Variants in RASSF3 observed in about 807,000 individuals in gnomAD.
RASSF3 encodes ras association domain-containing protein 3.
A neutral mutation model predicts 19.9 loss-of-function variants in RASSF3; 19 were observed. The ratio of observed to expected loss-of-function variants is 0.96; its 90% CI spans 0.67 to 1.40. The LOEUF (loss-of-function observed/expected upper bound fraction) is 1.40, where lower values mean the gene tolerates loss of function less well. Among genes scored for constraint, RASSF3 ranks in the 40% most tolerant of loss-of-function variants. The pLI, the probability that RASSF3 is intolerant of heterozygous loss-of-function variation, is 0.00. For missense variants in RASSF3, 306 were observed against 289.8 expected (o/e 1.06, Z -0.41); for synonymous variants, 110 against 104.2 (o/e 1.06, Z -0.34).
At chr12:64,612,928 C>T (rs1375866373) in intron 1 of RASSF3, among the ~76,000 whole-genome samples, 3 of 152,038 alleles carry the variant, frequency 2.0e-5, no homozygotes, top group South Asian at 2.1e-4. Flanking sequence ...AGACATAGTT[C>T]GTGGTTGAAG....
Position 64,610,722 on chromosome 12 carries a change from C to G in RASSF3, c.90C>G (p.Gly30=). The change falls in exon 1 of 5, where the codon GGC becomes GGG. Residue 30 remains glycine, a synonymous_variant. Transcript: ENST00000542104. ...RTSFFRRAPQ[G]KPRSGQQDVE... ...CCTTCTTCAGGAGAGCGCCCCAGGG[C>G]AAGCCCCGCTCCGGCCAACAAGTGA... The G allele has an allele frequency of 6.3e-7, 1 of 1,590,962 alleles. No homozygotes were observed. The highest frequency in any genetic ancestry group is 1.1e-5 in the South Asian group (1 of 88,936).
At chr12:64,517,314 C>T (rs1039813919) in intron 1 of RASSF3, among the ~76,000 whole-genome samples, 8 of 151,762 alleles carry the variant, frequency 5.3e-5, no homozygotes, top group African/African-American at 1.9e-4. Context: ...TTCCTCCCCC[C>T]CCCCACTAAG....
chr12:64,598,002 C>T (rs553209863), intron 2 of RASSF3, among the ~76,000 whole-genome samples: 1 of 152,328 alleles, frequency 6.6e-6, no homozygotes, highest in South Asian at 2.1e-4. Flanking sequence ...ACTGCAACCT[C>T]TGCCTCCCGG....
intron 3 of RASSF3, among the ~76,000 whole-genome samples, chr12:64,689,791 C>CTTTTTTATTTTTTTTTTTTTTTTTTTTT (rs1868255264): frequency 1.0e-5 from 1 of 96,556 alleles, no homozygotes; most frequent in Non-Finnish European, 2.0e-5. Context: ...TTCGCTAATT[C>CTTTTTTATTTTTTTTTTTTTTTTTTTTT]TTTTTTTTTT....
At chr12:64,660,014 A>G (rs867302824) in intron 1 of RASSF3, among the ~76,000 whole-genome samples, 16 of 148,358 alleles carry the variant, frequency 1.1e-4, no homozygotes, top group South Asian at 6.5e-4. Context: ...GTGTATATAT[A>G]TGTGTGTGTG....
chr12:64,641,638 T>G (rs1170924663), intron 1 of RASSF3, among the ~76,000 whole-genome samples: 1 of 41,336 alleles, frequency 2.4e-5, no homozygotes, highest in African/African-American at 7.8e-5. Context: ...TCTCTCTCTC[T>G]TTTTTTTTTT....
intron 1 of RASSF3, among the ~76,000 whole-genome samples, chr12:64,666,422 A>G (rs1872540735): frequency 6.6e-6 from 1 of 152,178 alleles, no homozygotes; most frequent in Admixed American, 6.5e-5. Flanking sequence ...ACAGACTCTA[A>G]AAATACCCTT....
chr12:64,631,536 AATGTATGT>A (rs10532504), intron 1 of RASSF3, among the ~76,000 whole-genome samples: 18,376 of 146,306 alleles, frequency 0.13, 1,445 homozygotes, highest in South Asian at 0.24. Flanking sequence ...CATCGTATGT[AATGTATGT>A]ATGTATGTAT....
intron 2 of RASSF3, among the ~76,000 whole-genome samples, chr12:64,584,360 C>G (rs939704280): frequency 6.6e-6 from 1 of 152,178 alleles, no homozygotes; most frequent in South Asian, 2.1e-4. Context: ...ATTTCTGGAG[C>G]CAGAGTCAGG....
intron 1 of RASSF3, among the ~76,000 whole-genome samples, chr12:64,676,277 C>T (rs1872898489): frequency 6.6e-6 from 1 of 150,454 alleles, no homozygotes; most frequent in African/African-American, 2.4e-5. Flanking sequence ...CTGCCTCAGC[C>T]TCCTGAGTAG....
intron 1 of RASSF3, among the ~76,000 whole-genome samples, chr12:64,630,151 A>G (rs1026109114): frequency 6.6e-6 from 1 of 152,050 alleles, no homozygotes; most frequent in Non-Finnish European, 1.5e-5. Context: ...GCACTCATTG[A>G]TTTTAAGATT....
chr12:64,517,018 A>G lies in RASSF3; in HGVS notation c.169+9689A>G, dbSNP rs185394075. Among the ~76,000 whole-genome samples, 282 of 150,936 alleles carry G rather than the reference A, an allele frequency of 1.9e-3. 2 individuals are homozygous for G. The highest frequency in any genetic ancestry group is 6.3e-3 in the African/African-American group (259 of 41,212). ...TGTCTCAAAAAAAAAAAAAAAAAAA[A>G]AAAGAAAGAGAAAGAAAAGAAGGAA... On this transcript the variant is annotated intron_variant, in intron 1 of 5. Transcript: ENST00000637125.
intron 2 of RASSF3, among the ~76,000 whole-genome samples, chr12:64,563,107 C>G (rs1869374242): frequency 6.6e-6 from 1 of 152,074 alleles, no homozygotes; most frequent in Non-Finnish European, 1.5e-5. Flanking sequence ...TCTCTGCTTC[C>G]TTTACAATAT....
chr12:64,604,974 A>T (rs1203008945), intron 2 of RASSF3, among the ~76,000 whole-genome samples: 1 of 148,052 alleles, frequency 6.8e-6, no homozygotes, highest in Non-Finnish European at 1.5e-5. Context: ...TTTTTTTTTA[A>T]TTTATTTTAT....
chr12:64,696,666 T>G lies in RASSF3; in HGVS notation c.*1754T>G, dbSNP rs1366100606. ...CTGACTTTTTGGAGAATACCCATCT[T>G]GTTGGAGGCAGACTTAAGTTGTTAT... On this transcript the variant is annotated 3_prime_UTR_variant, in exon 5 of 5. Transcript: ENST00000542104. 1.3e-5 allele frequency: 2 copies of G among 152,240 alleles called. No homozygotes were observed. The highest frequency in any genetic ancestry group is 4.8e-5 in the African/African-American group (2 of 41,462). 9.4% of individuals were successfully genotyped at this position (152,240 alleles called of 1,614,324 possible).
intron 1 of RASSF3, among the ~76,000 whole-genome samples, chr12:64,657,011 CT>C (rs566413790): frequency 0.015 from 1,981 of 135,704 alleles, 41 homozygotes; most frequent in African/African-American, 0.047. Flanking sequence ...AGTATAGTTT[CT>C]TTTTTTTTTT....
chr12:64,596,385 G>T (rs1490866058), intron 2 of RASSF3, among the ~76,000 whole-genome samples: 1 of 152,196 alleles, frequency 6.6e-6, no homozygotes, highest in Non-Finnish European at 1.5e-5. Context: ...GTTTTGTGTT[G>T]CTATAAAGGA....
chr12:64,608,016 A>C (rs149823410), upstream of RASSF3, among the ~76,000 whole-genome samples: 390 of 151,648 alleles, frequency 2.6e-3, 2 homozygotes, highest in South Asian at 6.9e-3. Flanking sequence ...CAATCCTCCC[A>C]CCTCGGCCTT....
intron 1 of RASSF3, among the ~76,000 whole-genome samples, chr12:64,652,469 C>G (rs1871995797): frequency 6.8e-6 from 1 of 146,648 alleles, no homozygotes; most frequent in African/African-American, 2.5e-5. Context: ...ACCTCAAACT[C>G]CAGAGAGCCT....
Sources: gnomAD v4.1 joint callset for allele counts (sites outside exome capture counted in the v4.1 genomes callset) on GRCh38, gnomAD v4.1.1 for gene constraint, MANE v1.5 for transcripts, NCBI Gene and HGNC (gene_info 2026-07-23, HGNC 2026-07-21) for gene names.